TLN2: variants seen among roughly 807,000 people sequenced by gnomAD.
TLN2 encodes the protein talin-2.
Under a neutral mutation model 294.7 loss-of-function variants are expected in TLN2, and 118 were observed. The ratio of observed to expected loss-of-function variants is 0.40; its 90% confidence interval spans 0.34 to 0.47. The LOEUF (loss-of-function observed/expected upper bound fraction) is 0.47, where lower values mean the gene tolerates loss of function less well. Ranked by LOEUF, TLN2 falls within the 20% of genes least tolerant of loss-of-function variation. TLN2 has a pLI of 0.84. For synonymous variants in TLN2, 1,431 were observed against 1,304.5 expected, an observed-to-expected ratio of 1.10 and a Z score of -2.09; for missense variants, 3,083 against 3,282.2, an observed-to-expected ratio of 0.94 and a Z score of 1.48.
chr15:62,472,490 C>T (rs758558640), intron 1 of TLN2, among the ~76,000 whole-genome samples: 3 of 152,178 alleles, frequency 2.0e-5, no homozygotes, highest in African/African-American at 4.8e-5. Flanking sequence ...GCACTTCTCC[C>T]GTGCTTCAGC....
chr15:62,402,993 A>C (rs1000143172), intron 1 of TLN2, among the ~76,000 whole-genome samples: 1 of 152,180 alleles, frequency 6.6e-6, no homozygotes, highest in Non-Finnish European at 1.5e-5. Context: ...TAATCCCAGC[A>C]CTTTGGGAGG....
At chr15:62,494,943 C>T (rs62006672) in intron 1 of TLN2, among the ~76,000 whole-genome samples, 11,297 of 152,104 alleles carry the variant, frequency 0.074, 563 homozygotes, top group Non-Finnish European at 0.11. Flanking sequence ...TCTCTGTTCC[C>T]GGAACACTGT....
chr15:62,542,173 A>T (rs1436030901), intron 1 of TLN2, among the ~76,000 whole-genome samples: 3 of 151,710 alleles, frequency 2.0e-5, no homozygotes, highest in African/African-American at 7.3e-5. Flanking sequence ...CCCTTATTTG[A>T]GGGGGTTACG....
intron 45 of TLN2, among the ~76,000 whole-genome samples, chr15:62,786,068 C>T (rs1442529241): frequency 6.6e-6 from 1 of 152,234 alleles, no homozygotes; most frequent in Non-Finnish European, 1.5e-5. Context: ...TGAAAAGGGG[C>T]AGAGAGAATA....
At chr15:62,640,895 G>C (rs372387845) in intron 3 of TLN2, among the ~76,000 whole-genome samples, 3 of 151,992 alleles carry the variant, frequency 2.0e-5, no homozygotes, top group Non-Finnish European at 4.4e-5. Flanking sequence ...ACTACCTCCC[G>C]GGTTCCAGCA....
At chr15:62,555,751 G>A (rs1314471242) in intron 1 of TLN2, among the ~76,000 whole-genome samples, 3 of 151,976 alleles carry the variant, frequency 2.0e-5, no homozygotes, top group Non-Finnish European at 4.4e-5. Flanking sequence ...CTCTTTTTGT[G>A]CCAGTTTTAA....
intron 1 of TLN2, among the ~76,000 whole-genome samples, chr15:62,471,820 C>T (rs1380128727): frequency 6.6e-6 from 1 of 152,114 alleles, no homozygotes; most frequent in Non-Finnish European, 1.5e-5. Flanking sequence ...CAGTAGTCTT[C>T]CCAAAGGCTG....
At chr15:62,490,928 C>T (rs1487836414) in intron 1 of TLN2, among the ~76,000 whole-genome samples, 1 of 152,186 alleles carries the variant, frequency 6.6e-6, no homozygotes, top group Non-Finnish European at 1.5e-5. Flanking sequence ...GTTAAGGGTA[C>T]ACACCGTTGA....
intron 45 of TLN2, among the ~76,000 whole-genome samples, chr15:62,791,355 A>G (rs565567391): frequency 6.6e-6 from 1 of 152,144 alleles, no homozygotes; most frequent in African/African-American, 2.4e-5. Flanking sequence ...CTCTATCTCA[A>G]AAAAAAGAAG....
chr15:62,778,059 T>A (rs1338601020), intron 43 of TLN2, among the ~76,000 whole-genome samples: 2 of 152,252 alleles, frequency 1.3e-5, no homozygotes, highest in African/African-American at 4.8e-5. Context: ...AAGCAGTCTT[T>A]AATTGCTAAT....
At chr15:62,711,235 A>G (rs561265992) in intron 21 of TLN2, among the ~76,000 whole-genome samples, 1 of 152,298 alleles carries the variant, frequency 6.6e-6, no homozygotes, top group East Asian at 1.9e-4. Context: ...TACTCCTCCT[A>G]CTTCCAGAAG....
chr15:62,691,427 A>G (rs2057903065), intron 12 of TLN2, among the ~76,000 whole-genome samples: 2 of 151,816 alleles, frequency 1.3e-5, no homozygotes, highest in Non-Finnish European at 2.9e-5. Context: ...TCAGTTCTGT[A>G]ATTTCCATTT....
rs1196118144 is a variant in TLN2, at chr15:62,844,085, A to G, written c.*3475A>G. ...TTTGGAGACATTCCCCTCAGGCTAA[A>G]AGGCAGCGGTCCCCAGAGTTCAGAA... On this transcript the variant is annotated 3_prime_UTR_variant, in exon 59 of 59. Coordinates refer to ENST00000636159, the MANE Select transcript of TLN2 (RefSeq NM_015059.3). 2.6e-5 allele frequency: 4 copies of G among 152,312 alleles called. No homozygotes were observed. The highest frequency in any genetic ancestry group is 1.3e-4 in the Admixed American group (2 of 15,282). The allele number at this position is 152,312 out of a possible 1,614,324, so 9.4% of individuals were successfully genotyped here. A position where few individuals can be genotyped will look rare whatever the true frequency, so the allele number is the denominator to read the frequency against.
intron 1 of TLN2, among the ~76,000 whole-genome samples, chr15:62,575,976 G>A (rs1377876612): frequency 6.6e-6 from 1 of 152,228 alleles, no homozygotes; most frequent in East Asian, 1.9e-4. Context: ...TTATTTGTGA[G>A]GTTAAAAATA....
chr15:62,786,133 A>AT (rs2064636442), intron 45 of TLN2, among the ~76,000 whole-genome samples: 1 of 152,192 alleles, frequency 6.6e-6, no homozygotes, highest in Non-Finnish European at 1.5e-5. Flanking sequence ...TGCCAGACAG[A>AT]TATTTGGGGA....
intron 1 of TLN2, among the ~76,000 whole-genome samples, chr15:62,516,038 T>C (rs922345580): frequency 2.0e-5 from 3 of 152,204 alleles, no homozygotes; most frequent in Non-Finnish European, 4.4e-5. Context: ...ATTTCAAAAC[T>C]GAAGACATTT....
chr15:62,647,341 C>T lies in TLN2; in HGVS notation c.31C>T (p.Arg11Cys), dbSNP rs771261514. 2.7e-5 allele frequency: 43 copies of T among 1,613,960 alleles called. No homozygotes were observed. Among genetic ancestry groups the T allele is most frequent in the Non-Finnish European group, 3.6e-5 (42 of 1,180,018 alleles). Residue 11 changes from arginine (R) to cysteine (C), a missense_variant, in exon 4 of 59, where the codon CGC (arginine) becomes TGC (cysteine). Coordinates refer to ENST00000636159, the MANE Select transcript of TLN2 (RefSeq NM_015059.3). ...GGCCCTGTCCTTAAAGATTTGTGTG[C>T]GCCACTGCAACGTGGTGAAGACCAT... Reference protein sequence around the residue: MVALSLKICVRHCNVVKTMQF... With the variant: MVALSLKICVCHCNVVKTMQF...
At chr15:62,674,074 A>G (rs1159303733) in intron 10 of TLN2, among the ~76,000 whole-genome samples, 184 bp downstream of exon 10, 1 of 152,208 alleles carries the variant, frequency 6.6e-6, no homozygotes, top group Non-Finnish European at 1.5e-5. Context: ...ATCTTAATCC[A>G]TATTTTCTTG....
intron 1 of TLN2, among the ~76,000 whole-genome samples, chr15:62,504,294 G>T (rs930722263): frequency 1.3e-5 from 2 of 152,208 alleles, no homozygotes; most frequent in Non-Finnish European, 2.9e-5. Context: ...CCAGAAGGGG[G>T]TGTATGTGTT....
Sources: allele counts gnomAD v4.1 joint callset (sites outside exome capture counted in the v4.1 genomes callset), GRCh38; gene constraint gnomAD v4.1.1; transcripts MANE v1.5; gene names NCBI Gene and HGNC (gene_info 2026-07-23, HGNC 2026-07-21).